Variants in LGR5 observed in about 807,000 individuals in gnomAD.
LGR5 encodes leucine-rich repeat-containing G protein-coupled receptor 5.
A neutral mutation model predicts 76.7 loss-of-function variants in LGR5; 54 were observed. The ratio of observed to expected loss-of-function variants is 0.70; its 90% CI spans 0.57 to 0.88. LGR5 has a LOEUF of 0.88. LGR5 is among the 40% of genes least tolerant of loss of function. The pLI, the probability that LGR5 is intolerant of heterozygous loss-of-function variation, is 0.00. For synonymous variants in LGR5, 406 were observed against 421.9 expected, an observed-to-expected ratio of 0.96 and a Z score of 0.46; for missense variants, 1,078 against 1,073.3, an observed-to-expected ratio of 1.00 and a Z score of -0.06.
intron 4 of LGR5, among the ~76,000 whole-genome samples, chr12:71,543,012 C>G (rs1349056529): frequency 9.5e-6 from 1 of 105,154 alleles, no homozygotes; most frequent in Non-Finnish European, 2.0e-5. Context: ...CCCTGGTTTA[C>G]TGCTAAATCT....
chr12:71,563,321 T>A (rs1192580875), intron 8 of LGR5, among the ~76,000 whole-genome samples: 1 of 152,100 alleles, frequency 6.6e-6, no homozygotes, highest in South Asian at 2.1e-4. Flanking sequence ...TATCCATACC[T>A]CCTGACCTCC....
At chr12:71,470,046 G>T (rs1331883444) in intron 1 of LGR5, among the ~76,000 whole-genome samples, 8 of 152,132 alleles carry the variant, frequency 5.3e-5, no homozygotes, top group Non-Finnish European at 8.8e-5. Context: ...CACCACCAGG[G>T]AGACATTTCT....
rs146169072 is a variant in LGR5, at chr12:71,526,929, A to T, written c.356+2452A>T. ...CAGAAAGGACCTGGGATGAACAGGTAGCTCCAAGCAGGTTAGTACTTGAGC... is the reference window on the plus strand; with the variant it reads ...CAGAAAGGACCTGGGATGAACAGGTTGCTCCAAGCAGGTTAGTACTTGAGC... On this transcript the variant is annotated intron_variant, in intron 3 of 17. Transcript: ENST00000266674. Among the ~76,000 whole-genome samples, 292 of 152,320 alleles carry T rather than the reference A, an allele frequency of 1.9e-3. 3 individuals carry two copies. The Middle Eastern group carries it at 0.024, about 12-fold the overall frequency.
Position 71,515,938 on chromosome 12 carries a change from A to G in LGR5, c.285-8468A>G, listed in dbSNP as rs145682605. 6.0e-4 allele frequency among the ~76,000 whole-genome samples: 92 copies of G among 152,342 alleles called. No individual in the cohort carries two copies. In the East Asian group the frequency reaches 0.017, roughly 28 times the overall value. On this transcript the variant is annotated intron_variant, in intron 2 of 17. Transcript: ENST00000266674. ...ATTTAAATAAATAAGGAAAGCAACA[A>G]TGTTTTTCACTTTCCATAAAACCTT...
intron 4 of LGR5, among the ~76,000 whole-genome samples, chr12:71,537,464 C>T (rs1234853320): frequency 6.6e-6 from 1 of 150,806 alleles, no homozygotes; most frequent in African/African-American, 2.4e-5. Context: ...TACAGAGCAC[C>T]ACTCCAGAGT....
At chr12:71,537,596 T>C (rs1876664659) in intron 4 of LGR5, among the ~76,000 whole-genome samples, 1 of 152,102 alleles carries the variant, frequency 6.6e-6, no homozygotes, top group South Asian at 2.1e-4. Flanking sequence ...ACAAGGCCAG[T>C]TTGGAGGTTT....
intron 1 of LGR5, among the ~76,000 whole-genome samples, chr12:71,495,175 C>A (rs1423132243): frequency 2.6e-5 from 4 of 151,246 alleles, no homozygotes; most frequent in Non-Finnish European, 5.9e-5. Flanking sequence ...AGAAGTAATT[C>A]ATGAGTTGGG....
intron 1 of LGR5, among the ~76,000 whole-genome samples, chr12:71,499,129 C>A (rs1874475572): frequency 6.6e-6 from 1 of 152,038 alleles, no homozygotes; most frequent in South Asian, 2.1e-4. Context: ...TTTTCCAGAG[C>A]TGAGGTTTTT....
chr12:71,493,885 C>T lies in LGR5; in HGVS notation c.213-10729C>T, dbSNP rs554178984. On this transcript the variant is annotated intron_variant, in intron 1 of 17. Transcript: ENST00000266674. ...CTAGGCTCAGGTGATCCTCCCATCT[C>T]GGCCTATCAAGTGGCTGGGACCACA... Among the ~76,000 whole-genome samples, 30 of 148,792 alleles carry T rather than the reference C, an allele frequency of 2.0e-4. 1 individual carries two copies. In the South Asian group the frequency reaches 5.5e-3, roughly 27 times the overall value.
intron 1 of LGR5, among the ~76,000 whole-genome samples, chr12:71,466,810 A>C (rs73334193): frequency 0.045 from 6,854 of 152,168 alleles, 367 homozygotes; most frequent in African/African-American, 0.13. Flanking sequence ...AGGAGATAGG[A>C]ACATAACGAT....
intron 1 of LGR5, among the ~76,000 whole-genome samples, chr12:71,482,496 T>A (rs1873651635): frequency 1.3e-5 from 2 of 152,012 alleles, no homozygotes; most frequent in Non-Finnish European, 1.5e-5. Flanking sequence ...TAGAGCCCAC[T>A]CTAATGACCT....
chr12:71,511,639 C>T (rs893183692), intron 2 of LGR5, among the ~76,000 whole-genome samples: 6 of 152,242 alleles, frequency 3.9e-5, no homozygotes, highest in South Asian at 2.1e-4. Context: ...CAATACTGCT[C>T]GTTTAGCTAC....
rs867262166 is a variant in LGR5 at position 71,524,414 on chromosome 12, C to T, written c.293C>T (p.Ala98Val). 9 of 1,611,500 alleles carry T rather than the reference C, an allele frequency of 5.6e-6. No homozygotes were observed. Among genetic ancestry groups the T allele is most frequent in the East Asian group, 2.2e-5 (1 of 44,784 alleles). Residue 98 changes from alanine (A) to valine (V), a missense_variant, in exon 3 of 18, where the codon GCG becomes GTG. Physicochemically the swap from Ala to Val is moderately conservative, Grantham distance 64. Coordinates refer to ENST00000266674, the MANE Select transcript of LGR5 (RefSeq NM_003667.4). The part of the protein sequence containing the change: ...SLRFLEELRL[A>V]GNALTYIPKG... ...TCCATTGAAACCCACAGACGTCTTG[C>T]GGGAAACGCTCTGACATACATTCCC...
chr12:71,566,409 T>C lies in LGR5; in HGVS notation c.863T>C (p.Phe288Ser), dbSNP rs749906009. ...VGNPSLITIH[F>S]YDNPIQFVGR... is the part of the protein sequence containing the mutation. ...GCTGTTTGGGTTTCTTTTAGACATT[T>C]CTATGACAATCCCATCCAGTTTGTT... Residue 288 changes from phenylalanine to serine, a missense_variant, in exon 9 of 18, where the codon TTC becomes TCC. Physicochemically the swap from Phe to Ser is radical, Grantham distance 155 (BLOSUM62 -2). Coordinates refer to ENST00000266674, the MANE Select transcript of LGR5 (RefSeq NM_003667.4). 12 of 1,594,324 alleles carry C rather than the reference T, an allele frequency of 7.5e-6. No individual in the cohort carries two copies. The South Asian group carries it at 9.9e-5, about 13-fold the overall frequency.
At chr12:71,496,587 C>T (rs186776086) in intron 1 of LGR5, among the ~76,000 whole-genome samples, 8 of 152,116 alleles carry the variant, frequency 5.3e-5, no homozygotes, top group Admixed American at 5.2e-4. Context: ...CAGATATGTA[C>T]CTAACAAATA....
At chr12:71,577,489 A>C (rs1794389200) in intron 13 of LGR5, among the ~76,000 whole-genome samples, 1 of 152,168 alleles carries the variant, frequency 6.6e-6, no homozygotes, top group African/African-American at 2.4e-5. Flanking sequence ...TTCAAGGCCT[A>C]ACATATATGA....
chr12:71,549,565 T>C (rs1877373541), intron 4 of LGR5, among the ~76,000 whole-genome samples: 1 of 152,204 alleles, frequency 6.6e-6, no homozygotes, highest in African/African-American at 2.4e-5. Flanking sequence ...CATAAATATA[T>C]GCAATTTTTA....
chr12:71,549,846 G>T (rs1251653486), intron 4 of LGR5, among the ~76,000 whole-genome samples: 1 of 152,132 alleles, frequency 6.6e-6, no homozygotes, highest in African/African-American at 2.4e-5. Flanking sequence ...TAGAGTGTTC[G>T]ATCTCTGAAG....
intron 1 of LGR5, 69 bp from the exon 2 acceptor site, chr12:71,504,545 A>C: frequency 1.7e-6 from 2 of 1,193,830 alleles, no homozygotes; most frequent in Non-Finnish European, 2.5e-6. Flanking sequence ...GAAATGTGTG[A>C]ATTGAACAGC....
Sources: allele counts gnomAD v4.1 joint callset (sites outside exome capture counted in the v4.1 genomes callset), GRCh38; gene constraint gnomAD v4.1.1; transcripts MANE v1.5; gene names NCBI Gene and HGNC (gene_info 2026-07-23, HGNC 2026-07-21).